Variants in PRKCB observed in about 807,000 individuals in gnomAD.
PRKCB encodes the protein protein kinase C beta.
A neutral mutation model predicts 81.5 loss-of-function variants in PRKCB; 13 were observed. That is an observed-to-expected ratio of 0.16 (90% confidence interval 0.10 to 0.25). PRKCB has a LOEUF of 0.25. Ranked by LOEUF, PRKCB falls within the 10% of genes least tolerant of loss-of-function variation. The pLI is 1.00. For synonymous variants in PRKCB, 335 were observed against 321.4 expected, an observed-to-expected ratio of 1.04 and a Z score of -0.45; for missense variants, 509 against 875.7, an observed-to-expected ratio of 0.58 and a Z score of 5.29.
intron 2 of PRKCB, among the ~76,000 whole-genome samples, chr16:23,841,657 T>TTTTC: frequency 7.5e-6 from 1 of 132,866 alleles, no homozygotes; most frequent in East Asian, 2.2e-4. Flanking sequence ...CCCTTTTTTT[T>TTTTC]TTTTTTTTTT....
chr16:23,998,082 A>C (rs910419109), intron 3 of PRKCB, among the ~76,000 whole-genome samples: 5 of 152,204 alleles, frequency 3.3e-5, no homozygotes, highest in Admixed American at 3.3e-4. Flanking sequence ...TAATCTGTTG[A>C]GGACTCAGAA....
Position 24,219,245 on chromosome 16 carries a change from CTTTTGTTTTG to C in PRKCB, c.*4449_*4458del, listed in dbSNP as rs10639027. 4,337 of 981,980 alleles carry C rather than the reference CTTTTGTTTTG, an allele frequency of 4.4e-3. 9 individuals carry two copies. Among genetic ancestry groups the C allele is most frequent in the Non-Finnish European group, 4.9e-3 (4,071 of 828,346 alleles). The allele number at this position is 981,980 out of a possible 1,614,324, so 60.8% of individuals were successfully genotyped here. ...AGGAGAATCGAGTTGCTTTGAGTTT[CTTTTGTTTTG>C]TTTTGTTTTGTTTTGTTTTAAGGCT... On this transcript the variant is annotated 3_prime_UTR_variant, in exon 17 of 17. Transcript: ENST00000643927.
chr16:23,847,044 A>C (rs1962381837), intron 2 of PRKCB, among the ~76,000 whole-genome samples: 1 of 151,698 alleles, frequency 6.6e-6, no homozygotes, highest in Admixed American at 6.6e-5. Flanking sequence ...GCTCTGATCC[A>C]CTCCTATGGG....
At chr16:23,876,452 C>T (rs1428931797) in intron 2 of PRKCB, among the ~76,000 whole-genome samples, 1 of 152,182 alleles carries the variant, frequency 6.6e-6, no homozygotes, top group African/African-American at 2.4e-5. Context: ...TTCCCCCGTC[C>T]ACCAGATTAG....
chr16:23,836,407 A>G lies in PRKCB; in HGVS notation c.173+59A>G, dbSNP rs1597201213. On this transcript the variant is annotated intron_variant, in intron 1 of 16. Coordinates refer to ENST00000643927, the MANE Select transcript of PRKCB (RefSeq NM_002738.7). ...CCCCGAGGGCAGCGCCGCGCCAGGG[A>G]CCCCCTCTCCGCGCCCTCTGCGCCC... 10 of 1,558,984 alleles carry G rather than the reference A, an allele frequency of 6.4e-6. No homozygotes were observed. In the South Asian group the frequency reaches 1.0e-4, roughly 16 times the overall value.
chr16:23,980,341 G>A (rs1964679339), intron 2 of PRKCB, among the ~76,000 whole-genome samples: 1 of 152,258 alleles, frequency 6.6e-6, no homozygotes, highest in African/African-American at 2.4e-5. Context: ...ATGCGGATAA[G>A]TCTGTGGGTC....
Position 23,869,368 on chromosome 16 carries a change from C to T in PRKCB, c.205+31962C>T, listed in dbSNP as rs563793567. On this transcript the variant is annotated intron_variant, in intron 2 of 16. Transcript: ENST00000643927. ...CGTAGCACGAGTAAGAGCTAAACTT[C>T]GAATATTGTAAGTCACTAGAATTTT... is the stretch of plus-strand genomic sequence containing the variant. The T allele has an allele frequency of 1.2e-4, 30 of 257,574 alleles. 1 individual carries two copies. The highest frequency in any genetic ancestry group is 1.1e-3 in the South Asian group (28 of 26,516). The allele number at this position is 257,574 out of a possible 1,614,324, so 16.0% of individuals were successfully genotyped here.
intron 2 of PRKCB, among the ~76,000 whole-genome samples, chr16:23,864,824 G>T (rs1048218166): frequency 2.0e-5 from 3 of 151,948 alleles, no homozygotes; most frequent in African/African-American, 7.3e-5. Flanking sequence ...GTTTCTATTG[G>T]TCGCGCCACT....
At chr16:23,995,773 C>T (rs538102774) in intron 3 of PRKCB, among the ~76,000 whole-genome samples, 1 of 152,214 alleles carries the variant, frequency 6.6e-6, no homozygotes, top group South Asian at 2.1e-4. Flanking sequence ...ACCCTGCCTT[C>T]TCTCTCCCAA....
chr16:24,119,424 T>G (rs1966772833), intron 8 of PRKCB, among the ~76,000 whole-genome samples: 1 of 152,064 alleles, frequency 6.6e-6, no homozygotes, highest in African/African-American at 2.4e-5. Flanking sequence ...GTGCTCACGT[T>G]TCATGGGGAG....
At chr16:23,925,618 A>C (rs1054429265) in intron 2 of PRKCB, among the ~76,000 whole-genome samples, 1 of 152,070 alleles carries the variant, frequency 6.6e-6, no homozygotes, top group Admixed American at 6.6e-5. Context: ...GGACTTCTTA[A>C]ATTTTTTAAA....
At chr16:23,982,001 T>C (rs1448146094) in intron 2 of PRKCB, among the ~76,000 whole-genome samples, 3 of 117,354 alleles carry the variant, frequency 2.6e-5, no homozygotes, top group South Asian at 3.0e-4. Context: ...CCTTTTCCCT[T>C]CCACTTCCCC....
intron 2 of PRKCB, among the ~76,000 whole-genome samples, chr16:23,973,868 G>T (rs1964590382): frequency 6.6e-6 from 1 of 151,462 alleles, no homozygotes; most frequent in South Asian, 2.1e-4. Flanking sequence ...ATAGGGTTTT[G>T]CTGTGTTGCC....
chr16:23,847,425 C>T (rs1215860875), intron 2 of PRKCB, among the ~76,000 whole-genome samples: 3 of 146,172 alleles, frequency 2.1e-5, no homozygotes, highest in Non-Finnish European at 4.5e-5. Context: ...CCAATACATC[C>T]ATCCGTCTGT....
At chr16:24,042,221 G>C (rs894280614) in intron 5 of PRKCB, among the ~76,000 whole-genome samples, 6 of 152,280 alleles carry the variant, frequency 3.9e-5, no homozygotes, top group African/African-American at 1.4e-4. Context: ...GCCCACTAGG[G>C]GGCAGTCTCT....
chr16:24,006,785 G>T (rs991482028), intron 3 of PRKCB, among the ~76,000 whole-genome samples: 7 of 152,082 alleles, frequency 4.6e-5, no homozygotes, highest in African/African-American at 1.7e-4. Flanking sequence ...TAAACGCTGT[G>T]GGGGTAGGAT....
intron 7 of PRKCB, among the ~76,000 whole-genome samples, chr16:24,111,686 C>G (rs1267490023): frequency 6.6e-6 from 1 of 151,314 alleles, no homozygotes; most frequent in South Asian, 2.1e-4. Flanking sequence ...TTAGTCTCAG[C>G]TAGTTGAAAG....
At chr16:24,138,142 G>A (rs138676735) in intron 9 of PRKCB, among the ~76,000 whole-genome samples, 2 of 152,326 alleles carry the variant, frequency 1.3e-5, no homozygotes, top group African/African-American at 2.4e-5. Flanking sequence ...GTCCTGAAGC[G>A]GTGGAGGCAG....
chr16:23,911,450 T>C (rs1963652103), intron 2 of PRKCB, among the ~76,000 whole-genome samples: 1 of 152,132 alleles, frequency 6.6e-6, no homozygotes, highest in African/African-American at 2.4e-5. Context: ...TAAGCATGTT[T>C]TCAATTCTCT....
Sources: allele counts gnomAD v4.1 joint callset (sites outside exome capture counted in the v4.1 genomes callset), GRCh38; gene constraint gnomAD v4.1.1; transcripts MANE v1.5; gene names NCBI Gene and HGNC (gene_info 2026-07-23, HGNC 2026-07-21).